The following UTP4 variants were observed in gnomAD, a reference collection of about 807,000 sequenced individuals.
The protein encoded by UTP4 is U3 small nucleolar RNA-associated protein 4 homolog.
A neutral mutation model predicts 82.4 loss-of-function variants in UTP4; 45 were observed. That is an observed-to-expected ratio of 0.55 (90% CI 0.43 to 0.70). The LOEUF (loss-of-function observed/expected upper bound fraction) is 0.70, where lower values mean the gene tolerates loss of function less well. Ranked by LOEUF, UTP4 falls within the 30% of genes least tolerant of loss-of-function variation. The pLI is 0.00. For missense variants in UTP4, 819 were observed against 858.3 expected (o/e 0.95, Z 0.57); for synonymous variants, 348 against 300.3 (o/e 1.16, Z -1.64).
At chr16:69,134,918 C>T (rs924793092) in intron 2 of UTP4, among the ~76,000 whole-genome samples, 1 of 151,636 alleles carries the variant, frequency 6.6e-6, no homozygotes, top group African/African-American at 2.4e-5. Context: ...AACTCCTGAC[C>T]TCAAGTGATC....
chr16:69,149,109 G>A (rs1005385209), intron 6 of UTP4, among the ~76,000 whole-genome samples: 30 of 151,950 alleles, frequency 2.0e-4, no homozygotes, highest in African/African-American at 6.0e-4. Context: ...GCCTGGGCAC[G>A]GTGACTCACA....
intron 14 of UTP4, 126 bp from the exon 15 acceptor site, chr16:69,165,215 G>A: frequency 2.5e-6 from 2 of 786,484 alleles, no homozygotes; most frequent in Non-Finnish European, 4.1e-6. Context: ...AAAAGTGTTG[G>A]GAGAGCATAG....
At chr16:69,160,926 C>T (rs1204916404) in intron 13 of UTP4, among the ~76,000 whole-genome samples, 2 of 152,018 alleles carry the variant, frequency 1.3e-5, no homozygotes, top group Admixed American at 1.3e-4. Context: ...AATAATTTTT[C>T]CAGGTTTGGA....
Position 69,168,872 on chromosome 16 carries a change from C to A in UTP4, c.1996C>A (p.Arg666=). The change falls in exon 17 of 17, where the codon CGG becomes AGG. Residue 666 remains arginine (R), a synonymous_variant. Transcript: ENST00000314423. Reference sequence around the variant, plus strand: ...TGAAAGAACACTCGTGGCAGTAGAACGGCCTCTGGATGACATCATTGCTCA... The same window carrying A: ...TGAAAGAACACTCGTGGCAGTAGAAAGGCCTCTGGATGACATCATTGCTCA... The part of the protein sequence containing the change: ...LDERTLVAVE[R]PLDDIIAQLP... The A allele has an allele frequency of 1.9e-6, 3 of 1,614,030 alleles. No homozygotes were observed. The highest frequency in any genetic ancestry group is 1.7e-5 in the Admixed American group (1 of 60,008).
intron 15 of UTP4, 86 bp from the exon 16 acceptor site, chr16:69,166,989 G>T: frequency 1.1e-6 from 1 of 888,046 alleles, no homozygotes; most frequent in East Asian, 2.4e-5. Flanking sequence ...AGAAGATGAT[G>T]TTGGGCTCAA....
chr16:69,160,884 C>A (rs919025675), intron 13 of UTP4, among the ~76,000 whole-genome samples: 2 of 152,130 alleles, frequency 1.3e-5, no homozygotes, highest in Non-Finnish European at 2.9e-5. Context: ...GCATGAGCCA[C>A]CGCGCCTGGC....
At chr16:69,154,062 C>T (rs1264910808) in intron 9 of UTP4, among the ~76,000 whole-genome samples, 1 of 152,090 alleles carries the variant, frequency 6.6e-6, no homozygotes, top group Non-Finnish European at 1.5e-5. Context: ...GAGTGACAGC[C>T]TAGTGGCCTT....
rs942147447 is a variant in UTP4 at position 69,154,249 on chromosome 16, T to C, written c.1100-144T>C. On this transcript the variant is annotated intron_variant, in intron 9 of 16. Transcript: ENST00000314423. ...TTTCTCTTCATATACCCCTCAAAAA[T>C]TGTGAGCTTACTCAGTGAGCTTGTA... 1.5e-5 allele frequency: 10 copies of C among 668,586 alleles called. No homozygotes were observed. In the African/African-American group the frequency reaches 1.8e-4, roughly 12 times the overall value. The allele number at this position is 668,586 out of a possible 1,614,324, so 41.4% of individuals were successfully genotyped here.
At chr16:69,156,708 C>T (rs942126776) in intron 11 of UTP4, among the ~76,000 whole-genome samples, 3 of 152,210 alleles carry the variant, frequency 2.0e-5, no homozygotes, top group African/African-American at 7.2e-5. Flanking sequence ...TCCACCCCCT[C>T]AGCCTCCCAA....
In UTP4 at chr16:69,133,593, T is replaced by C; in HGVS notation, c.134T>C (p.Leu45Ser). The C allele has an allele frequency of 6.2e-7, 1 of 1,614,164 alleles. No homozygotes were observed. The highest frequency in any genetic ancestry group is 1.1e-5 in the South Asian group (1 of 91,082). The change falls in exon 2 of 17, where the codon TTG becomes TCG. Residue 45 changes from leucine (L) to serine (S), a missense_variant. Transcript: ENST00000314423. Reference sequence around the variant, plus strand: ...GATGGCACTGTGGAAATTTATAACTTGTCAGCAAACTACTTTCAGGAGAAA... The same window carrying C: ...GATGGCACTGTGGAAATTTATAACTCGTCAGCAAACTACTTTCAGGAGAAA... The part of the protein sequence containing the change: ...RTDGTVEIYN[L>S]SANYFQEKFF...
At chr16:69,133,092 C>T (rs892605585) in intron 1 of UTP4, 2 of 309,358 alleles carry the variant, frequency 6.5e-6, no homozygotes, top group Non-Finnish European at 1.2e-5. Context: ...TCGGTTCTGC[C>T]TGCCCCATCA....
chr16:69,159,087 A>T (rs1055497039), intron 12 of UTP4, among the ~76,000 whole-genome samples: 15 of 151,900 alleles, frequency 9.9e-5, no homozygotes, highest in African/African-American at 3.6e-4. Flanking sequence ...TATTTTTGAG[A>T]TAGAATTTCA....
chr16:69,150,753 TCTGGC>T (rs1237406473), intron 7 of UTP4, 45 bp downstream of exon 7: 3 of 1,613,838 alleles, frequency 1.9e-6, no homozygotes, highest in Non-Finnish European at 2.5e-6. Flanking sequence ...CCTGCCCAGT[TCTGGC>T]TGTTCTCGTG....
At chr16:69,141,639 CT>C (rs1278569463) in intron 5 of UTP4, among the ~76,000 whole-genome samples, 2 of 151,990 alleles carry the variant, frequency 1.3e-5, no homozygotes, top group East Asian at 3.8e-4. Flanking sequence ...GGGGGAAATT[CT>C]TTTACTCTTA....
intron 13 of UTP4, among the ~76,000 whole-genome samples, chr16:69,162,030 C>T (rs577873258): frequency 4.0e-4 from 60 of 151,028 alleles, no homozygotes; most frequent in African/African-American, 1.4e-3. Context: ...TGTGGTGGCG[C>T]AGTCTCTGCT....
At chr16:69,158,968 C>A (rs1247099489) in intron 12 of UTP4, among the ~76,000 whole-genome samples, 1 of 152,170 alleles carries the variant, frequency 6.6e-6, no homozygotes, top group Non-Finnish European at 1.5e-5. Context: ...ACGTGCCCAT[C>A]CTCCCTTAGT....
chr16:69,148,525 C>T (rs1963181369), intron 6 of UTP4, among the ~76,000 whole-genome samples: 1 of 152,210 alleles, frequency 6.6e-6, no homozygotes, highest in Admixed American at 6.5e-5. Context: ...AGCCACCACG[C>T]CTGGCCCTGG....
chr16:69,147,536 C>A (rs1329374823), intron 6 of UTP4, among the ~76,000 whole-genome samples: 1 of 151,940 alleles, frequency 6.6e-6, no homozygotes, highest in Non-Finnish European at 1.5e-5. Context: ...AATAATAATG[C>A]TACTCTGAAC....
chr16:69,137,473 C>CT (rs1962839861), intron 3 of UTP4, among the ~76,000 whole-genome samples: 1 of 152,124 alleles, frequency 6.6e-6, no homozygotes. Context: ...GTTAGTAGGT[C>CT]TTTTATTTAG....
Sources: gnomAD v4.1 joint callset for allele counts (sites outside exome capture counted in the v4.1 genomes callset) on GRCh38, gnomAD v4.1.1 for gene constraint, MANE v1.5 for transcripts, NCBI Gene and HGNC (gene_info 2026-07-23, HGNC 2026-07-21) for gene names.